Variants in ADK observed in about 807,000 individuals in gnomAD.
The protein encoded by ADK is adenosine kinase.
In ADK, 24 loss-of-function variants were observed where a neutral mutation model predicts 44.7. That is an observed-to-expected ratio of 0.54 (90% confidence interval 0.39 to 0.76). The LOEUF is 0.76. ADK is among the 30% of genes least tolerant of loss of function. The probability of loss-of-function intolerance (pLI) is 0.00; values close to 1 mark genes in which losing one functional copy is unlikely to be tolerated. For synonymous variants in ADK, 128 were observed against 142.6 expected, an observed-to-expected ratio of 0.90 and a Z score of 0.73; for missense variants, 321 against 425.1, an observed-to-expected ratio of 0.76 and a Z score of 2.15.
At chr10:74,327,342 C>A (rs1841057740) in intron 4 of ADK, among the ~76,000 whole-genome samples, 1 of 151,956 alleles carries the variant, frequency 6.6e-6, no homozygotes, top group Non-Finnish European at 1.5e-5. Context: ...CTAGTTTATG[C>A]CATTGTGATC....
chr10:74,329,597 T>C (rs1841147687), intron 4 of ADK, among the ~76,000 whole-genome samples: 3 of 152,064 alleles, frequency 2.0e-5, no homozygotes, highest in African/African-American at 7.2e-5. Flanking sequence ...AGAAGATTGG[T>C]TGGATGGATG....
chr10:74,239,527 A>G (rs1459183464), intron 3 of ADK, among the ~76,000 whole-genome samples: 1 of 151,958 alleles, frequency 6.6e-6, no homozygotes, highest in African/African-American at 2.4e-5. Context: ...ACTCGGCAAC[A>G]TAGTGAGAGC....
chr10:74,176,785 G>A (rs1462602600), intron 1 of ADK: 2 of 1,587,916 alleles, frequency 1.3e-6, no homozygotes, highest in African/African-American at 1.3e-5. Context: ...CCTGAGCCGG[G>A]AAGCAGTTGC....
At chr10:74,600,295 A>G in intron 8 of ADK, 84 bp from the exon 9 acceptor site, 1 of 844,690 alleles carries the variant, frequency 1.2e-6, no homozygotes, top group East Asian at 2.8e-5. Context: ...ATTTTGATCA[A>G]TAGAAGCTAA....
intron 10 of ADK, among the ~76,000 whole-genome samples, chr10:74,679,584 T>G (rs898737458): frequency 6.6e-6 from 1 of 152,140 alleles, no homozygotes; most frequent in Non-Finnish European, 1.5e-5. Context: ...CCTTTTTTTT[T>G]TAATGCCAGT....
chr10:74,359,375 G>A (rs1842250646), intron 4 of ADK, among the ~76,000 whole-genome samples: 1 of 152,022 alleles, frequency 6.6e-6, no homozygotes, highest in African/African-American at 2.4e-5. Context: ...TATTTTCATA[G>A]AGATTGCATT....
chr10:74,490,722 G>C (rs1195574748), intron 6 of ADK, among the ~76,000 whole-genome samples: 1 of 152,106 alleles, frequency 6.6e-6, no homozygotes, highest in African/African-American at 2.4e-5. Flanking sequence ...TTTTGTTTTT[G>C]TTTTTACCCT....
intron 4 of ADK, among the ~76,000 whole-genome samples, chr10:74,359,187 A>G (rs1842240720): frequency 6.6e-6 from 1 of 152,102 alleles, no homozygotes; most frequent in Non-Finnish European, 1.5e-5. Context: ...ATATTTATTT[A>G]TATGACAGTA....
chr10:74,680,270 G>T (rs578200769), intron 10 of ADK, among the ~76,000 whole-genome samples: 2 of 149,244 alleles, frequency 1.3e-5, no homozygotes, highest in Non-Finnish European at 3.0e-5. Flanking sequence ...AGCCGAGATC[G>T]CACCACTGCA....
At chr10:74,313,852 A>G (rs1270733958) in intron 3 of ADK, among the ~76,000 whole-genome samples, 1 of 151,286 alleles carries the variant, frequency 6.6e-6, no homozygotes, top group Non-Finnish European at 1.5e-5. Flanking sequence ...TATATTTTCT[A>G]TCTACTTTTT....
chr10:74,664,348 G>T (rs1255494938), intron 9 of ADK, among the ~76,000 whole-genome samples: 2 of 152,136 alleles, frequency 1.3e-5, no homozygotes, highest in African/African-American at 4.8e-5. Context: ...TATTGTATAT[G>T]CATAGAAAAA....
At chr10:74,156,132 G>C (rs10824087) in intron 1 of ADK, among the ~76,000 whole-genome samples, 81,334 of 151,880 alleles carry the variant, frequency 0.54, 22,786 homozygotes, top group Non-Finnish European at 0.62. Flanking sequence ...GATGGTTCTG[G>C]GTATCCAGGG....
chr10:74,201,676 G>GTATCTATC (rs58785624), intron 2 of ADK, among the ~76,000 whole-genome samples: 252 of 117,524 alleles, frequency 2.1e-3, no homozygotes, highest in African/African-American at 3.4e-3. Flanking sequence ...ATGTATGTAT[G>GTATCTATC]TATCTATCTA....
At chr10:74,351,077 A>G (rs61863360) in intron 4 of ADK, among the ~76,000 whole-genome samples, 4,521 of 152,304 alleles carry the variant, frequency 0.03, 115 homozygotes, top group Middle Eastern at 0.051. Flanking sequence ...AACTCATTTT[A>G]TGAAGCCAGC....
intron 7 of ADK, among the ~76,000 whole-genome samples, chr10:74,546,889 C>T (rs889133671): frequency 3.3e-5 from 5 of 152,048 alleles, no homozygotes; most frequent in African/African-American, 4.8e-5. Flanking sequence ...CTGACTCTAA[C>T]AATGCATGCT....
At chr10:74,515,239 C>T (rs188822215) in intron 6 of ADK, among the ~76,000 whole-genome samples, 1 of 152,250 alleles carries the variant, frequency 6.6e-6, no homozygotes, top group East Asian at 1.9e-4. Context: ...CAGCTGTAAT[C>T]CACTCTAGTG....
At chr10:74,225,227 G>A (rs1006600213) in intron 3 of ADK, among the ~76,000 whole-genome samples, 49 of 152,236 alleles carry the variant, frequency 3.2e-4, no homozygotes, top group Admixed American at 1.9e-3. Context: ...ACAGGTGCCC[G>A]CCACCATGCC....
At chr10:74,400,710 GC>G (rs1843675627) in intron 6 of ADK, among the ~76,000 whole-genome samples, 1 of 152,098 alleles carries the variant, frequency 6.6e-6, no homozygotes, top group African/African-American at 2.4e-5. Flanking sequence ...AGTTCTGGGG[GC>G]TCTTTAATTC....
At chr10:74,320,214 T>C (rs150753595) in intron 4 of ADK, among the ~76,000 whole-genome samples, 7 of 152,302 alleles carry the variant, frequency 4.6e-5, no homozygotes, top group African/African-American at 1.4e-4. Flanking sequence ...CCCTTTATTA[T>C]AGGATAGTTT....
Sources: gnomAD v4.1 joint callset for allele counts (sites outside exome capture counted in the v4.1 genomes callset) on GRCh38, gnomAD v4.1.1 for gene constraint, MANE v1.5 for transcripts, NCBI Gene and HGNC (gene_info 2026-07-23, HGNC 2026-07-21) for gene names.